The following DPYD variants were observed in gnomAD, a reference collection of about 807,000 sequenced individuals.
DPYD encodes the protein dihydropyrimidine dehydrogenase, also known as dihydropyrimidine dehydrogenase [NADP(+)].
DPYD carries 109 observed loss-of-function variants against 116.2 expected under a neutral mutation model. That is an observed-to-expected ratio of 0.94 (90% CI 0.80 to 1.10). The LOEUF (loss-of-function observed/expected upper bound fraction) is 1.10, where lower values mean the gene tolerates loss of function less well. DPYD is among the 50% of genes least tolerant of loss of function. DPYD has a pLI of 0.00. For missense variants in DPYD, 1,302 were observed against 1,254.5 expected, an observed-to-expected ratio of 1.04 and a Z score of -0.57; for synonymous variants, 440 against 432.0, an observed-to-expected ratio of 1.02 and a Z score of -0.23.
At chr1:97,918,236 G>A (rs182144758) in intron 1 of DPYD, among the ~76,000 whole-genome samples, 2 of 152,128 alleles carry the variant, frequency 1.3e-5, no homozygotes, top group Non-Finnish European at 2.9e-5. Context: ...TTCCCAACAA[G>A]ATGCTGTCAA....
At chr1:97,407,752 C>T (rs1332497600) in intron 14 of DPYD, among the ~76,000 whole-genome samples, 6 of 152,122 alleles carry the variant, frequency 3.9e-5, no homozygotes, top group South Asian at 2.1e-4. Flanking sequence ...AGTGACACCA[C>T]TCACCATCAC....
chr1:97,716,506 T>C (rs1662625271), intron 5 of DPYD, among the ~76,000 whole-genome samples: 2 of 152,040 alleles, frequency 1.3e-5, no homozygotes. Context: ...TCTTACTGTA[T>C]AAAATCAGAG....
At chr1:97,856,117 T>C (rs1455117660) in intron 2 of DPYD, 3 of 152,188 alleles carry the variant, frequency 2.0e-5, no homozygotes, top group Admixed American at 2.0e-4. Flanking sequence ...GCTCACTAAA[T>C]TAACTGAAAG....
chr1:97,260,780 T>C (rs1359867860), intron 18 of DPYD, among the ~76,000 whole-genome samples: 1 of 152,088 alleles, frequency 6.6e-6, no homozygotes, highest in Admixed American at 6.6e-5. Context: ...TGGAGTTATA[T>C]TTTGCTGGAG....
intron 12 of DPYD, among the ~76,000 whole-genome samples, chr1:97,538,503 T>C (rs1296992268): frequency 7.9e-5 from 12 of 151,948 alleles, no homozygotes; most frequent in Non-Finnish European, 1.8e-4. Context: ...CCACTAGTGA[T>C]TTTTTTTGTG....
intron 20 of DPYD, among the ~76,000 whole-genome samples, chr1:97,126,637 A>T (rs1652863620): frequency 6.6e-6 from 1 of 152,278 alleles, no homozygotes; most frequent in African/African-American, 2.4e-5. Flanking sequence ...ACTCATTCTT[A>T]GTATTTACTA....
Position 97,675,852 on chromosome 1 carries a change from G to A in DPYD, c.850+3243C>T, listed in dbSNP as rs372827134. On this transcript the variant is annotated intron_variant, in intron 8 of 22. Transcript: ENST00000370192. ...CAACCTCCACCTCCCCGGTTGAAGC[G>A]ATTCTCCTGCTTCAGCCTCCCAAGT... Among the ~76,000 whole-genome samples the A allele has an allele frequency of 2.3e-3, 343 of 151,402 alleles. 1 individual carries two copies. The highest frequency in any genetic ancestry group is 7.4e-3 in the African/African-American group (306 of 41,260).
intron 18 of DPYD, among the ~76,000 whole-genome samples, chr1:97,236,402 A>T (rs1661928762): frequency 6.6e-6 from 1 of 151,904 alleles, no homozygotes; most frequent in Admixed American, 6.6e-5. Context: ...AAATTAAATT[A>T]AAAAATAAAA....
chr1:97,601,218 T>G (rs565053742), intron 8 of DPYD, among the ~76,000 whole-genome samples: 1 of 152,160 alleles, frequency 6.6e-6, no homozygotes, highest in South Asian at 2.1e-4. Context: ...CTATACAGGG[T>G]TCTTTGGAAA....
At chr1:97,772,392 C>G (rs1666190022) in intron 3 of DPYD, among the ~76,000 whole-genome samples, 1 of 152,188 alleles carries the variant, frequency 6.6e-6, no homozygotes, top group Non-Finnish European at 1.5e-5. Context: ...CAGTTAACAA[C>G]AGCAGTATTC....
rs1264490339 is a variant in DPYD, at chr1:97,333,427, T to C, written c.2059-27130A>G. On this transcript the variant is annotated intron_variant, in intron 16 of 22. Transcript: ENST00000370192. ...GTTGGCCAGGATGGTCTTGATCTCC[T>C]GACCTTGTGATCCGCCCTTCTCGGC... is the stretch of plus-strand genomic sequence containing the variant. 4.0e-5 allele frequency among the ~76,000 whole-genome samples: 6 copies of C among 151,890 alleles called. No homozygotes were observed. The East Asian group carries it at 9.7e-4, about 25-fold the overall frequency.
At chr1:97,411,577 T>C (rs1215405666) in intron 14 of DPYD, among the ~76,000 whole-genome samples, 1 of 152,190 alleles carries the variant, frequency 6.6e-6, no homozygotes, top group South Asian at 2.1e-4. Flanking sequence ...TAATGATTAA[T>C]GATACTAAAA....
chr1:97,277,332 AC>A (rs994281511), intron 18 of DPYD, among the ~76,000 whole-genome samples: 1 of 152,022 alleles, frequency 6.6e-6, no homozygotes, highest in African/African-American at 2.4e-5. Context: ...CATGTAACAG[AC>A]CTGCACGTGT....
At chr1:97,113,594 A>G (rs1472310431) in intron 20 of DPYD, among the ~76,000 whole-genome samples, 1 of 152,124 alleles carries the variant, frequency 6.6e-6, no homozygotes, top group African/African-American at 2.4e-5. Flanking sequence ...TTTCCAAGAC[A>G]ATGTGTTTTC....
chr1:97,200,107 T>C (rs1358800774), intron 19 of DPYD, among the ~76,000 whole-genome samples: 1 of 152,170 alleles, frequency 6.6e-6, no homozygotes, highest in Non-Finnish European at 1.5e-5. Context: ...TTTTGTGTAA[T>C]CAAATAGCAC....
At chr1:97,530,907 A>G (rs1056764350) in intron 12 of DPYD, among the ~76,000 whole-genome samples, 1 of 152,102 alleles carries the variant, frequency 6.6e-6, no homozygotes, top group African/African-American at 2.4e-5. Context: ...GGCCATTTGT[A>G]TGGCTTGTTT....
intron 13 of DPYD, among the ~76,000 whole-genome samples, chr1:97,457,730 G>A (rs1270831220): frequency 2.0e-5 from 3 of 152,150 alleles, no homozygotes; most frequent in Non-Finnish European, 4.4e-5. Context: ...CCGGAAATGA[G>A]GATGGGAGGA....
intron 14 of DPYD, among the ~76,000 whole-genome samples, chr1:97,438,737 C>T (rs928331457): frequency 1.3e-5 from 2 of 151,892 alleles, no homozygotes; most frequent in Non-Finnish European, 2.9e-5. Context: ...AAACAACAGC[C>T]TGTGGGCTAT....
intron 16 of DPYD, among the ~76,000 whole-genome samples, chr1:97,333,115 T>C (rs1570543455): frequency 6.7e-6 from 1 of 149,156 alleles, no homozygotes; most frequent in South Asian, 2.1e-4. Flanking sequence ...TGGAGTGCAG[T>C]GCCATGATCT....
Sources: gnomAD v4.1 joint callset for allele counts (sites outside exome capture counted in the v4.1 genomes callset) on GRCh38, gnomAD v4.1.1 for gene constraint, MANE v1.5 for transcripts, NCBI Gene and HGNC (gene_info 2026-07-23, HGNC 2026-07-21) for gene names.